CDH13: variants seen among roughly 807,000 people sequenced by gnomAD.
The protein encoded by CDH13 is cadherin 13, also known as cadherin-13.
In CDH13, 24 loss-of-function variants were observed where a neutral mutation model predicts 63.8. That is an observed-to-expected ratio of 0.38 (90% CI 0.27 to 0.53). The LOEUF is 0.53. CDH13 is among the 20% of genes least tolerant of loss of function. The probability of loss-of-function intolerance (pLI) is 0.85; values close to 1 mark genes in which losing one functional copy is unlikely to be tolerated. For missense variants in CDH13, 1,049 were observed against 903.1 expected, an observed-to-expected ratio of 1.16 and a Z score of -2.07; for synonymous variants, 503 against 355.3, an observed-to-expected ratio of 1.42 and a Z score of -4.67.
At chr16:83,063,873 T>A (rs192130185) in intron 3 of CDH13, among the ~76,000 whole-genome samples, 2 of 152,210 alleles carry the variant, frequency 1.3e-5, no homozygotes, top group East Asian at 3.9e-4. Flanking sequence ...TCAAAGGCAA[T>A]TGTGTAACAT....
At chr16:83,404,993 C>T (rs1192178692) in intron 6 of CDH13, among the ~76,000 whole-genome samples, 1 of 151,842 alleles carries the variant, frequency 6.6e-6, no homozygotes, top group African/African-American at 2.4e-5. Context: ...TATCTCAGGA[C>T]CCAGATAACC....
intron 7 of CDH13, among the ~76,000 whole-genome samples, chr16:83,602,119 A>AAAAAAAAAAAAAAAAAAAAAAAAAAAC (rs1907885677): frequency 8.4e-6 from 1 of 119,018 alleles, no homozygotes; most frequent in Non-Finnish European, 1.7e-5. Context: ...AAAAAAAAAA[A>AAAAAAAAAAAAAAAAAAAAAAAAAAAC]AAAAAAAAAA....
chr16:82,799,178 G>A (rs1417569387), intron 1 of CDH13, among the ~76,000 whole-genome samples: 1 of 152,186 alleles, frequency 6.6e-6, no homozygotes, highest in Non-Finnish European at 1.5e-5. Flanking sequence ...CCGCCATGAT[G>A]TTTGTAAGGG....
intron 1 of CDH13, among the ~76,000 whole-genome samples, chr16:82,770,999 G>A (rs1311462725): frequency 6.6e-6 from 1 of 152,166 alleles, no homozygotes; most frequent in Non-Finnish European, 1.5e-5. Flanking sequence ...ACAGCCGTGA[G>A]CCAACACACC....
intron 4 of CDH13, among the ~76,000 whole-genome samples, chr16:83,213,312 AC>A (rs1191815881): frequency 1.3e-5 from 2 of 152,094 alleles, no homozygotes; most frequent in Admixed American, 1.3e-4. Context: ...AGGGAAAGTC[AC>A]CCTGGGATAA....
chr16:82,983,341 C>T (rs1377876683), intron 2 of CDH13, among the ~76,000 whole-genome samples: 8 of 152,114 alleles, frequency 5.3e-5, no homozygotes, highest in South Asian at 2.1e-4. Flanking sequence ...TTTTCTCACC[C>T]GGCTGTTTCC....
rs192415422 is a variant in CDH13 at position 83,625,280 on chromosome 16, G to A, written c.1101+22686G>A. Among the ~76,000 whole-genome samples, 18 of 152,164 alleles carry A rather than the reference G, an allele frequency of 1.2e-4. No individual in the cohort carries two copies. In the East Asian group the frequency reaches 3.5e-3, roughly 29 times the overall value. ...AAATGACGGACCCTGTGTTATCTTT[G>A]CAGATCCGTGGTCTCAGGCCATGCT... On this transcript the variant is annotated intron_variant, in intron 8 of 13. Transcript: ENST00000567109.
chr16:83,732,197 C>G (rs1911105677), intron 10 of CDH13, among the ~76,000 whole-genome samples: 1 of 152,228 alleles, frequency 6.6e-6, no homozygotes, highest in Non-Finnish European at 1.5e-5. Flanking sequence ...GTGATTACAG[C>G]TTACAGCTCT....
At chr16:83,529,220 G>GCC (rs756759745) in intron 7 of CDH13, among the ~76,000 whole-genome samples, 1 of 151,970 alleles carries the variant, frequency 6.6e-6, no homozygotes, top group East Asian at 1.9e-4. Flanking sequence ...GTCAGACTCT[G>GCC]AAGTCCAGTG....
At chr16:82,709,161 G>A (rs563348475) in intron 1 of CDH13, among the ~76,000 whole-genome samples, 3 of 152,294 alleles carry the variant, frequency 2.0e-5, no homozygotes, top group Non-Finnish European at 2.9e-5. Context: ...GAATGAAGAT[G>A]AGTCTTTGAA....
intron 5 of CDH13, among the ~76,000 whole-genome samples, chr16:83,339,083 G>C (rs1372834960): frequency 6.6e-6 from 1 of 152,276 alleles, no homozygotes; most frequent in African/African-American, 2.4e-5. Context: ...GGTGAGAAGT[G>C]ACAGAAGCTA....
intron 6 of CDH13, among the ~76,000 whole-genome samples, chr16:83,415,344 A>G (rs962488105): frequency 1.1e-4 from 16 of 152,190 alleles, no homozygotes; most frequent in African/African-American, 2.7e-4. Context: ...AAACATTTAA[A>G]GAATTGATGA....
intron 4 of CDH13, among the ~76,000 whole-genome samples, chr16:83,185,254 A>G (rs1020782016): frequency 2.2e-4 from 34 of 152,136 alleles, no homozygotes; most frequent in Admixed American, 5.2e-4. Context: ...AGTATACGCT[A>G]TGGGGCTTTG....
chr16:83,321,032 T>C (rs1166077979), intron 5 of CDH13, among the ~76,000 whole-genome samples: 1 of 152,226 alleles, frequency 6.6e-6, no homozygotes, highest in African/African-American at 2.4e-5. Flanking sequence ...GATAGTTTAA[T>C]GAGAACTGAA....
intron 6 of CDH13, among the ~76,000 whole-genome samples, chr16:83,368,449 G>A (rs2091295059): frequency 6.6e-6 from 1 of 152,124 alleles, no homozygotes; most frequent in Non-Finnish European, 1.5e-5. Flanking sequence ...TTTGAGCCAT[G>A]ATTGAATTAT....
Position 83,006,807 on chromosome 16 carries a change from C to T in CDH13, c.158-25203C>T, listed in dbSNP as rs11864556. On this transcript the variant is annotated intron_variant, in intron 2 of 13. Transcript: ENST00000567109. ...ATTTGGATGTTTTAGAATAGAATAACGCCATTTGTTGAAATTCACTGAAGT... is the reference window on the plus strand; with the variant it reads ...ATTTGGATGTTTTAGAATAGAATAATGCCATTTGTTGAAATTCACTGAAGT... Among the ~76,000 whole-genome samples the T allele has an allele frequency of 3.3e-3, 496 of 152,236 alleles. 4 individuals carry two copies. Among genetic ancestry groups the T allele is most frequent in the African/African-American group, 0.011 (469 of 41,540 alleles).
intron 4 of CDH13, among the ~76,000 whole-genome samples, chr16:83,196,295 A>T (rs2151760949): frequency 6.6e-6 from 1 of 152,256 alleles, no homozygotes; most frequent in Non-Finnish European, 1.5e-5. Flanking sequence ...TGTTAACTCA[A>T]AGTGGATCAC....
intron 3 of CDH13, among the ~76,000 whole-genome samples, chr16:83,114,206 C>T (rs58231010): frequency 0.051 from 7,680 of 152,074 alleles, 283 homozygotes; most frequent in African/African-American, 0.1. Context: ...GTTATTGGAC[C>T]TTCGATGCAT....
Position 83,000,220 on chromosome 16 carries a change from C to CTTTTTTTTTTTTTTTTTTTTT in CDH13, c.158-31788_158-31787insTTTTTTTTTTTTTTTTTTTTT, listed in dbSNP as rs1567731430. Among the ~76,000 whole-genome samples the CTTTTTTTTTTTTTTTTTTTTT allele has an allele frequency of 1.8e-4, 6 of 33,976 alleles. 1 individual carries two copies. The highest frequency in any genetic ancestry group is 0.017 in the Middle Eastern group (1 of 58). The allele number at this position is 33,976 out of a possible 152,430, so 22.3% of individuals were successfully genotyped here. A position where few individuals can be genotyped will look rare whatever the true frequency, so the allele number is the denominator to read the frequency against. ...TCCCTAGGAATATCCACAGGTTTAG[C>CTTTTTTTTTTTTTTTTTTTTT]TTATTTTTTTTTTTTTTTTTTTTTT... On this transcript the variant is annotated intron_variant, in intron 2 of 13. Transcript: ENST00000567109.
Sources: allele counts gnomAD v4.1 joint callset (sites outside exome capture counted in the v4.1 genomes callset), GRCh38; gene constraint gnomAD v4.1.1; transcripts MANE v1.5; gene names NCBI Gene and HGNC (gene_info 2026-07-23, HGNC 2026-07-21).